The following ZC3H12B variants were observed in gnomAD, a reference collection of about 807,000 sequenced individuals.
ZC3H12B encodes zinc finger CCCH-type containing 12B.
A neutral mutation model predicts 43.9 loss-of-function variants in ZC3H12B; 7 were observed. The ratio of observed to expected loss-of-function variants is 0.16; its 90% confidence interval spans 0.09 to 0.30. The LOEUF (loss-of-function observed/expected upper bound fraction) is 0.30, where lower values mean the gene tolerates loss of function less well. ZC3H12B is among the 10% of genes least tolerant of loss of function. The pLI, the probability that ZC3H12B is intolerant of heterozygous loss-of-function variation, is 1.00. For missense variants in ZC3H12B, 475 were observed against 670.2 expected (o/e 0.71, Z 3.22); for synonymous variants, 222 against 241.7 (o/e 0.92, Z 0.76).
At chrX:65,197,350 C>T in the ZC3H12B span, among the ~76,000 whole-genome samples, 3 of 112,308 alleles carry the variant, frequency 2.7e-5, no homozygotes, top group Admixed American at 9.4e-5. Flanking sequence ...ATCTCCTGTG[C>T]TCCTTGTTTA....
At chrX:65,180,680 T>A in the ZC3H12B span, among the ~76,000 whole-genome samples, 1 of 110,787 alleles carries the variant, frequency 9.0e-6, no homozygotes, top group African/African-American at 3.3e-5. Context: ...ACAAACAGCA[T>A]AAAATACTAG....
chrX:65,141,374 A>T, the ZC3H12B span, among the ~76,000 whole-genome samples: 1 of 109,958 alleles, frequency 9.1e-6, no homozygotes, highest in South Asian at 3.8e-4. Context: ...AATATAAATC[A>T]CAATAGCATT....
At chrX:65,356,932 A>G in the ZC3H12B span, 3 of 424,707 alleles carry the variant, frequency 7.1e-6, no homozygotes, top group Admixed American at 8.5e-5. Context: ...CACATGCTAA[A>G]CTCCCACAGG....
At chrX:65,502,474 T>G in exon 5 of ZC3H12B, 1 of 1,210,929 alleles carries the variant, frequency 8.3e-7, no homozygotes, top group Non-Finnish European at 1.1e-6. Flanking sequence ...ATACCAGGAA[T>G]GACAACTATT....
At chrX:65,163,527 C>T in the ZC3H12B span, among the ~76,000 whole-genome samples, 1 of 111,505 alleles carries the variant, frequency 9.0e-6, no homozygotes, top group Non-Finnish European at 1.9e-5. Context: ...TCTCATACTG[C>T]TGTGCTTGCA....
chrX:65,188,733 T>A, the ZC3H12B span, among the ~76,000 whole-genome samples: 1 of 111,064 alleles, frequency 9.0e-6, no homozygotes, highest in Non-Finnish European at 1.9e-5. Context: ...GAAATACTAC[T>A]GATTTTTGTA....
the ZC3H12B span, among the ~76,000 whole-genome samples, chrX:65,235,549 C>T: frequency 1.8e-5 from 2 of 111,069 alleles, no homozygotes; most frequent in Non-Finnish European, 3.8e-5. Flanking sequence ...ACTTTGCCCA[C>T]TCAGCCTGGC....
chrX:65,069,295 G>T, the ZC3H12B span, among the ~76,000 whole-genome samples: 1 of 104,615 alleles, frequency 9.6e-6, no homozygotes, highest in African/African-American at 3.5e-5. Context: ...TCTAGATCTC[G>T]TAGGCGTGCT....
At chrX:65,045,079 T>G in the ZC3H12B span, among the ~76,000 whole-genome samples, 82 of 111,850 alleles carry the variant, frequency 7.3e-4, no homozygotes, top group African/African-American at 2.4e-3. Flanking sequence ...TATTACTAAA[T>G]AAAATGCCAA....
chrX:65,044,075 A>T, the ZC3H12B span, among the ~76,000 whole-genome samples: 47 of 111,839 alleles, frequency 4.2e-4, no homozygotes, highest in African/African-American at 1.5e-3. Context: ...ATAATACGTA[A>T]TATATACCAT....
chrX:65,227,036 T>C, the ZC3H12B span, among the ~76,000 whole-genome samples: 1 of 111,303 alleles, frequency 9.0e-6, no homozygotes, highest in East Asian at 2.8e-4. Context: ...GCGGACCTAA[T>C]AGACGTCTAC....
chrX:65,309,019 G>A, the ZC3H12B span, among the ~76,000 whole-genome samples: 1 of 111,438 alleles, frequency 9.0e-6, no homozygotes, highest in Non-Finnish European at 1.9e-5. Flanking sequence ...AGCACTAAAT[G>A]CCCACAAGAG....
the ZC3H12B span, among the ~76,000 whole-genome samples, chrX:65,040,853 C>T: frequency 3.6e-5 from 4 of 111,312 alleles, no homozygotes; most frequent in Non-Finnish European, 7.5e-5. Context: ...GCCATGATCT[C>T]GGCTCACTGC....
the ZC3H12B span, among the ~76,000 whole-genome samples, chrX:65,211,254 GTTGCCTGTTCACTCAGATGATAGTTTCTT>G: frequency 5.5e-5 from 6 of 108,967 alleles, no homozygotes; most frequent in Admixed American, 1.0e-4. Flanking sequence ...CATTCTGTAG[GTTGCCTGTTCACTCAGATGATAGTTTCTT>G]TTGCTGTAAG....
At chrX:65,256,653 C>A in the ZC3H12B span, among the ~76,000 whole-genome samples, 3 of 111,187 alleles carry the variant, frequency 2.7e-5, no homozygotes, top group African/African-American at 6.5e-5. Context: ...GCCAACCAAC[C>A]CCCAAGCTAG....
the ZC3H12B span, among the ~76,000 whole-genome samples, chrX:65,209,655 G>A: frequency 9.1e-6 from 1 of 110,139 alleles, no homozygotes; most frequent in Non-Finnish European, 1.9e-5. Context: ...TGTATATTCT[G>A]TTGATTTGGG....
the ZC3H12B span, among the ~76,000 whole-genome samples, chrX:65,187,430 G>C: frequency 4.9e-4 from 55 of 111,419 alleles, no homozygotes; most frequent in African/African-American, 1.8e-3. Flanking sequence ...CTAATGTTTT[G>C]ATTTTCTAAT....
At chrX:65,471,909 G>C (rs2067920032) in intron 3 of ZC3H12B, among the ~76,000 whole-genome samples, 1 of 111,496 alleles carries the variant, frequency 9.0e-6, no homozygotes, top group African/African-American at 3.3e-5. Flanking sequence ...TTATTTTATA[G>C]GACCTGTGAG....
At chrX:65,374,022 GTA>G (rs768767221) in intron 2 of ZC3H12B, among the ~76,000 whole-genome samples, 6 of 36,893 alleles carry the variant, frequency 1.6e-4, no homozygotes, top group Admixed American at 4.7e-4. Flanking sequence ...TATATATACA[GTA>G]TATATATAAC....
Sources: gnomAD v4.1 joint callset for allele counts (sites outside exome capture counted in the v4.1 genomes callset) on GRCh38, gnomAD v4.1.1 for gene constraint, MANE v1.5 for transcripts, NCBI Gene and HGNC (gene_info 2026-07-23, HGNC 2026-07-21) for gene names.